KLK12: variants seen among roughly 807,000 people sequenced by gnomAD.
KLK12 encodes the protein kallikrein related peptidase 12.
A neutral mutation model predicts 20.0 loss-of-function variants in KLK12; 23 were observed. The ratio of observed to expected loss-of-function variants is 1.15; its 90% confidence interval spans 0.83 to 1.63. KLK12 has a LOEUF of 1.63. KLK12 is among the 40% of genes most tolerant of loss of function. The probability of loss-of-function intolerance (pLI) is 0.00; values close to 1 mark genes in which losing one functional copy is unlikely to be tolerated. For synonymous variants in KLK12, 147 were observed against 141.9 expected, an observed-to-expected ratio of 1.04 and a Z score of -0.25; for missense variants, 351 against 338.6, an observed-to-expected ratio of 1.04 and a Z score of -0.29.
rs374359485 is a variant in KLK12 at position 51,029,502 on chromosome 19, T to C, written c.592-45A>G. On this transcript the variant is annotated intron_variant, in intron 5 of 5. Transcript: ENST00000684732. Reference sequence around the variant, plus strand: ...CTGTCTGAACAAGGGAGACATCTTATTTCTGTTTTCCTCCCCAACCCTTCA... The same window carrying C: ...CTGTCTGAACAAGGGAGACATCTTACTTCTGTTTTCCTCCCCAACCCTTCA... 6 of 1,517,540 alleles carry C rather than the reference T, an allele frequency of 4.0e-6. No homozygotes were observed. The African/African-American group carries it at 8.2e-5, about 21-fold the overall frequency. The allele number at this position is 1,517,540 out of a possible 1,614,324, so 94.0% of individuals were successfully genotyped here.
In KLK12 at chr19:51,030,802, GC is replaced by G; in HGVS notation, c.576del (p.Gln193ArgfsTer51). On this transcript the variant is annotated frameshift_variant, in exon 5 of 6. Transcript: ENST00000684732. LOFTEE classifies it low-confidence loss of function (END_TRUNC). ...CACTGGCTCACCTGGCAGGCATCCT[GC>G]CCCGGGACGCCGCCTGCACACACCA... ...SNMVCAGGVP[G>X]QDACQGDSGG... 3.7e-6 allele frequency: 6 copies of G among 1,613,768 alleles called. No individual in the cohort carries two copies. Among genetic ancestry groups the G allele is most frequent in the Non-Finnish European group, 5.1e-6 (6 of 1,180,010 alleles).
In KLK12 at chr19:51,034,031, C is replaced by G. The variant is rs1393403012; in HGVS notation, c.146G>C (p.Gly49Ala). Residue 49 changes from glycine (G) to alanine (A), a missense_variant, in exon 3 of 6, where the codon GGT (glycine) becomes GCT (alanine). Physicochemically the swap from Gly to Ala is moderately conservative, Grantham distance 60 (BLOSUM62 0). Transcript: ENST00000684732. ...LFEGTSLRCG[G>A]VLIDHRWVLT... ...GACCCACCTGTGGTCAATAAGGACA[C>G]CCCCGCAGCGCAGGCTGGTGCCCTC... 1 of 1,606,040 alleles carries G rather than the reference C, an allele frequency of 6.2e-7. No individual in the cohort carries two copies. The highest frequency in any genetic ancestry group is 8.5e-7 in the Non-Finnish European group (1 of 1,176,458).
chr19:51,030,654 C>G (rs542604621), intron 5 of KLK12, 134 bp downstream of exon 5: 2 of 1,304,350 alleles, frequency 1.5e-6, no homozygotes, highest in African/African-American at 2.9e-5. Flanking sequence ...CCAGCCTCTC[C>G]CTTCCTTTTT....
chr19:51,033,338 G>A (rs929034723), intron 3 of KLK12, among the ~76,000 whole-genome samples: 4 of 151,358 alleles, frequency 2.6e-5, no homozygotes, highest in Admixed American at 6.6e-5. Context: ...CATGTTGGCC[G>A]GGTGCAGTGG....
At position 51,034,085 on chromosome 19, in the gene KLK12, T is replaced by C. The variant is rs574807133; in HGVS notation, c.92A>G (p.Asn31Ser). Residue 31 changes from asparagine (N) to serine (S), a missense_variant, in exon 3 of 6, where the codon AAC (asparagine) becomes AGC (serine). Coordinates refer to ENST00000684732, the MANE Select transcript of KLK12 (RefSeq NM_001370125.1). ...CAGCCCCACCTGCCACGGCTGTGAG[T>C]TACGCCCACACTCAGTGCCATTGAA... ...KIFNGTECGR[N>S]SQPWQVGLFE... 1.9e-6 allele frequency: 3 copies of C among 1,569,098 alleles called. No individual in the cohort carries two copies. Among genetic ancestry groups the C allele is most frequent in the South Asian group, 2.3e-5 (2 of 85,520 alleles).
chr19:51,031,758 A>T (rs1361304027), intron 4 of KLK12, 118 bp downstream of exon 4: 1 of 1,171,372 alleles, frequency 8.5e-7, no homozygotes, highest in Non-Finnish European at 1.3e-6. Flanking sequence ...CTGATGTCCC[A>T]TCCCACACCC....
rs1012522558 is a variant in KLK12 at position 51,030,481 on chromosome 19, C to T, written c.591+307G>A. Among the ~76,000 whole-genome samples, 4 of 152,062 alleles carry T rather than the reference C, an allele frequency of 2.6e-5. No individual in the cohort carries two copies. The South Asian group carries it at 6.2e-4, about 24-fold the overall frequency. ...TCTCCTGCCTCAGCCTTCCAAGTAG[C>T]TGGGGCCACAGGCTTGCACCACCAC... On this transcript the variant is annotated intron_variant, in intron 5 of 5. Transcript: ENST00000684732.
intron 3 of KLK12, 157 bp downstream of exon 3, chr19:51,033,823 G>T: frequency 1.2e-6 from 1 of 800,260 alleles, no homozygotes; most frequent in Non-Finnish European, 2.1e-6. Context: ...CACCACCCCA[G>T]GCCCACTGCT....
At chr19:51,034,377 A>C in intron 2 of KLK12, 1 of 1,360,064 alleles carries the variant, frequency 7.4e-7, no homozygotes, top group Non-Finnish European at 9.8e-7. Flanking sequence ...AGAGAGGGAC[A>C]GAAGGGAAGA....
At chr19:51,029,594 C>T in intron 5 of KLK12, 137 bp from the exon 6 acceptor site, 1 of 728,122 alleles carries the variant, frequency 1.4e-6, no homozygotes, top group South Asian at 1.6e-5. Context: ...AATCACTTTC[C>T]CGGAGGACAA....
Position 51,030,780 on chromosome 19 carries a change from T to A in KLK12, c.591+8A>T. The A allele has an allele frequency of 6.2e-7, 1 of 1,613,362 alleles. No homozygotes were observed. Among genetic ancestry groups the A allele is most frequent in the South Asian group, 1.1e-5 (1 of 91,056 alleles). On this transcript the variant is annotated splice_region_variant and intron_variant, in intron 5 of 5. Coordinates refer to ENST00000684732, the MANE Select transcript of KLK12 (RefSeq NM_001370125.1). Reference sequence around the variant, plus strand: ...TGGTGACCACGCACGCTGCCTGCACTGGCTCACCTGGCAGGCATCCTGCCC... The same window carrying A: ...TGGTGACCACGCACGCTGCCTGCACAGGCTCACCTGGCAGGCATCCTGCCC...
intron 5 of KLK12, among the ~76,000 whole-genome samples, chr19:51,030,333 A>T: frequency 7.2e-6 from 1 of 138,744 alleles, no homozygotes; most frequent in African/African-American, 2.7e-5. Flanking sequence ...TATTATTATT[A>T]TTATTATTAT....
In KLK12 at chr19:51,029,256, AG is replaced by A. The variant is rs565977542; in HGVS notation, c.*45del. The A allele has an allele frequency of 2.6e-4, 406 of 1,542,620 alleles. No homozygotes were observed. In the African/African-American group the frequency reaches 5.1e-3, roughly 19 times the overall value. ...GAGATATTGGTGCTCTGAGGGCCAGAGGGGTACCCAAGTTAAGGGGTGGGGG... is the reference window on the plus strand; with the variant it reads ...GAGATATTGGTGCTCTGAGGGCCAGAGGGTACCCAAGTTAAGGGGTGGGGG... On this transcript the variant is annotated 3_prime_UTR_variant, in exon 6 of 6. Transcript: ENST00000684732.
At chr19:51,034,393 CA>C in intron 2 of KLK12, 191 bp downstream of exon 2, 3 of 1,427,762 alleles carry the variant, frequency 2.1e-6, no homozygotes, top group Non-Finnish European at 1.8e-6. Flanking sequence ...GAAGAGGGAT[CA>C]AAAAATAGGG....
In KLK12 at chr19:51,034,118, G is replaced by A. The variant is rs199660412; in HGVS notation, c.59C>T (p.Pro20Leu). 63 of 1,554,594 alleles carry A rather than the reference G, an allele frequency of 4.1e-5. No homozygotes were observed. Among genetic ancestry groups the A allele is most frequent in the Non-Finnish European group, 4.7e-5 (54 of 1,148,562 alleles). Residue 20 changes from proline (P) to leucine (L), a missense_variant, in exon 3 of 6, where the codon CCG becomes CTG. Physicochemically the swap from Pro to Leu is moderately conservative, Grantham distance 98 (BLOSUM62 -3). Transcript: ENST00000684732. ...CVLGLSQAAT[P>L]KIFNGTECGR... ...ACACTCAGTGCCATTGAAAATCTTC[G>A]GTGTGGCTGCCTGGCTGAGCCCTGG...
intron 2 of KLK12, 175 bp downstream of exon 2, chr19:51,034,410 C>T (rs907807818): frequency 1.2e-5 from 18 of 1,452,000 alleles, no homozygotes; most frequent in South Asian, 4.4e-5. Context: ...TAGGGGAGAC[C>T]GAGGTGAGCA....
At position 51,034,080 on chromosome 19, in the gene KLK12, G is replaced by A; in HGVS notation, c.97C>T (p.Gln33Ter). Reference protein sequence around the residue: ...FNGTECGRNSQPWQVGLFEGT... With the variant: ...FNGTECGRNS Reference sequence around the variant, plus strand: ...TCAAACAGCCCCACCTGCCACGGCTGTGAGTTACGCCCACACTCAGTGCCA... The same window carrying A: ...TCAAACAGCCCCACCTGCCACGGCTATGAGTTACGCCCACACTCAGTGCCA... The change falls in exon 3 of 6, where the codon CAG (glutamine) becomes TAG (stop). Residue 33 changes from glutamine to a stop codon, truncating the protein, a stop_gained. Transcript: ENST00000684732. LOFTEE classifies it high-confidence loss of function. The A allele has an allele frequency of 4.5e-6, 7 of 1,572,310 alleles. No individual in the cohort carries two copies. The highest frequency in any genetic ancestry group is 6.0e-6 in the Non-Finnish European group (7 of 1,158,086).
intron 2 of KLK12, 44 bp downstream of exon 2, chr19:51,034,541 A>T (rs751011758): frequency 6.3e-7 from 1 of 1,599,082 alleles, no homozygotes; most frequent in Non-Finnish European, 8.5e-7. Flanking sequence ...GGGTGAAGGG[A>T]TCCAGTCGCA....
In KLK12 at chr19:51,032,039, G is replaced by A; in HGVS notation, c.294C>T (p.Tyr98=). 5 of 1,607,496 alleles carry A rather than the reference G, an allele frequency of 3.1e-6. No homozygotes were observed. Among genetic ancestry groups the A allele is most frequent in the Non-Finnish European group, 4.2e-6 (5 of 1,178,504 alleles). ...HSGFSVTHPG[Y]LGASTSHEHD... ...GCTCGTGGCTCGTCGAGGCTCCCAG[G>A]TAGCCGGGATGGGTCACAGAGAAGC... is the stretch of plus-strand genomic sequence containing the variant. Residue 98 remains tyrosine, a synonymous_variant, in exon 4 of 6, where the codon TAC becomes TAT. Coordinates refer to ENST00000684732, the MANE Select transcript of KLK12 (RefSeq NM_001370125.1).
Sources: gnomAD v4.1 joint callset for allele counts (sites outside exome capture counted in the v4.1 genomes callset) on GRCh38, gnomAD v4.1.1 for gene constraint, MANE v1.5 for transcripts, NCBI Gene and HGNC (gene_info 2026-07-23, HGNC 2026-07-21) for gene names.